KLHL13: variants seen among roughly 807,000 people sequenced by gnomAD.
KLHL13 encodes kelch-like protein 13.
In KLHL13, 10 loss-of-function variants were observed where a neutral mutation model predicts 37.1. The ratio of observed to expected loss-of-function variants is 0.27; its 90% confidence interval spans 0.17 to 0.46. The LOEUF is 0.46. Ranked by LOEUF, KLHL13 falls within the 20% of genes least tolerant of loss-of-function variation. The pLI is 1.00. For synonymous variants in KLHL13, 163 were observed against 181.2 expected, an observed-to-expected ratio of 0.90 and a Z score of 0.81; for missense variants, 360 against 509.3, an observed-to-expected ratio of 0.71 and a Z score of 2.82.
intron 1 of KLHL13, among the ~76,000 whole-genome samples, chrX:118,020,314 G>A (rs2054188925): frequency 9.0e-6 from 1 of 111,520 alleles, no homozygotes; most frequent in Non-Finnish European, 1.9e-5. Flanking sequence ...TGGTGTATAA[G>A]AATACTTGTG....
At chrX:117,934,472 C>T (rs947643242) in intron 2 of KLHL13, among the ~76,000 whole-genome samples, 4 of 110,351 alleles carry the variant, frequency 3.6e-5, no homozygotes, top group African/African-American at 1.3e-4. Context: ...TTTTCCTTGA[C>T]CCTCTCTCCT....
intron 1 of KLHL13, among the ~76,000 whole-genome samples, chrX:117,993,675 G>A (rs2053819572): frequency 9.1e-6 from 1 of 109,948 alleles, no homozygotes; most frequent in Non-Finnish European, 1.9e-5. Context: ...AAGTTACTGA[G>A]AGAGAAAAAG....
intron 1 of KLHL13, among the ~76,000 whole-genome samples, chrX:118,040,756 C>T (rs991134933): frequency 9.0e-6 from 1 of 111,320 alleles, no homozygotes; most frequent in Non-Finnish European, 1.9e-5. Flanking sequence ...CACCTCAAGG[C>T]ATTTAATTAT....
chrX:117,991,137 T>TAAAAA lies in KLHL13; in HGVS notation c.-55-45567_-55-45563dup, dbSNP rs750755409. 3.6e-5 allele frequency among the ~76,000 whole-genome samples: 3 copies of TAAAAA among 83,889 alleles called. 1 individual carries two copies. The highest frequency in any genetic ancestry group is 2.2e-4 in the African/African-American group (3 of 13,334). The allele number at this position is 83,889 out of a possible 115,157, so 72.8% of individuals were successfully genotyped here. On this transcript the variant is annotated intron_variant, in intron 1 of 6. Transcript: ENST00000371882. ...AAGGCTGGAAATTTTCATTAAAAAG[T>TAAAAA]AAAAAAAAAAAAGTCTTATAAATGA...
At chrX:117,915,724 A>G (rs1931304029) in intron 4 of KLHL13, among the ~76,000 whole-genome samples, 1 of 112,286 alleles carries the variant, frequency 8.9e-6, no homozygotes, top group African/African-American at 3.2e-5. Context: ...GCCCTATTTC[A>G]GCAACCTAAC....
chrX:117,912,578 C>T (rs1266816232), intron 4 of KLHL13, among the ~76,000 whole-genome samples: 1 of 111,976 alleles, frequency 8.9e-6, no homozygotes, highest in Non-Finnish European at 1.9e-5. Context: ...TATATCAATA[C>T]GTTCATATAT....
At chrX:117,925,223 T>C (rs1455159760) in intron 2 of KLHL13, among the ~76,000 whole-genome samples, 1 of 111,983 alleles carries the variant, frequency 8.9e-6, no homozygotes, top group African/African-American at 3.2e-5. Context: ...AAAAGCTACA[T>C]TGATACTGTC....
At chrX:118,068,277 G>A (rs373206040) in intron 1 of KLHL13, among the ~76,000 whole-genome samples, 4 of 111,588 alleles carry the variant, frequency 3.6e-5, no homozygotes, top group East Asian at 5.6e-4. Flanking sequence ...AGAGGAAGAT[G>A]GCCGACTAGA....
upstream of KLHL13, among the ~76,000 whole-genome samples, chrX:117,975,177 TACACACAC>T (rs760035096): frequency 4.8e-5 from 5 of 103,291 alleles, no homozygotes; most frequent in African/African-American, 1.8e-4. Context: ...GAGAAATACA[TACACACAC>T]ACACACACAC....
At chrX:117,901,498 G>A (rs1013959305) in intron 6 of KLHL13, among the ~76,000 whole-genome samples, 13 of 108,025 alleles carry the variant, frequency 1.2e-4, no homozygotes, top group African/African-American at 4.4e-4. Context: ...TTGATTCTCC[G>A]TTTTTCTGGA....
intron 1 of KLHL13, among the ~76,000 whole-genome samples, chrX:118,041,860 T>C (rs1030358144): frequency 9.0e-6 from 1 of 111,538 alleles, no homozygotes; most frequent in African/African-American, 3.3e-5. Context: ...ATGGCTGAAG[T>C]CCTTACAACA....
At chrX:117,909,744 C>T (rs1930840662) in exon 5 of KLHL13, 1 of 1,210,347 alleles carries the variant, frequency 8.3e-7, no homozygotes, top group Non-Finnish European at 1.1e-6. Context: ...CAAATTCACA[C>T]AAGTATTGTC....
chrX:117,997,757 A>G (rs1334376324), intron 1 of KLHL13, among the ~76,000 whole-genome samples: 1 of 111,437 alleles, frequency 9.0e-6, no homozygotes, highest in African/African-American at 3.3e-5. Context: ...TTGTTCCCCT[A>G]TTTTAGCACC....
intron 1 of KLHL13, among the ~76,000 whole-genome samples, chrX:118,085,796 G>GGTGTGTGTGTGT (rs4025518): frequency 1.8e-3 from 155 of 85,618 alleles, no homozygotes; most frequent in Non-Finnish European, 2.7e-3. Flanking sequence ...AATATTCCAT[G>GGTGTGTGTGTGT]GTGTGTGTGT....
exon 1 of KLHL13, chrX:117,973,026 C>T: frequency 3.8e-6 from 4 of 1,053,647 alleles, no homozygotes; most frequent in South Asian, 5.5e-5. Flanking sequence ...CTTCTGTCCC[C>T]TAAAGCAATA....
At chrX:117,966,498 A>G (rs186440621) in intron 1 of KLHL13, among the ~76,000 whole-genome samples, 1 of 111,583 alleles carries the variant, frequency 9.0e-6, no homozygotes, top group African/African-American at 3.3e-5. Flanking sequence ...CATAATTTAT[A>G]GATTCAATGC....
rs747149638 is a variant in KLHL13 at position 117,965,961 on chromosome X, A to C, written c.98+6770T>G. Among the ~76,000 whole-genome samples, 25 of 111,664 alleles carry C rather than the reference A, an allele frequency of 2.2e-4. No homozygotes were observed. In the South Asian group the frequency reaches 2.3e-3, roughly 10 times the overall value. On this transcript the variant is annotated intron_variant, in intron 1 of 6. Coordinates refer to ENST00000262820, the Ensembl canonical transcript of KLHL13. ...ACAGCCAATATCATACTGAATGAAC[A>C]AAAACTGGAAGCATTCCCTTTGAAA... is the stretch of plus-strand genomic sequence containing the variant.
At chrX:117,903,135 A>AACACACAC (rs751986919) in intron 5 of KLHL13, among the ~76,000 whole-genome samples, 96 of 99,809 alleles carry the variant, frequency 9.6e-4, no homozygotes, top group African/African-American at 3.7e-3. Flanking sequence ...TGACAGGCAA[A>AACACACAC]ACACACACAC....
intron 1 of KLHL13, among the ~76,000 whole-genome samples, chrX:118,018,071 T>C (rs2054147918): frequency 9.0e-6 from 1 of 111,561 alleles, no homozygotes; most frequent in East Asian, 2.8e-4. Context: ...AAACCACATG[T>C]GGCTGACTTC....
Sources: gnomAD v4.1 joint callset for allele counts (sites outside exome capture counted in the v4.1 genomes callset) on GRCh38, gnomAD v4.1.1 for gene constraint, MANE v1.5 for transcripts, NCBI Gene and HGNC (gene_info 2026-07-23, HGNC 2026-07-21) for gene names.